The following SPOCK3 variants were observed in gnomAD, a reference collection of about 807,000 sequenced individuals.
The protein encoded by SPOCK3 is SPARC (osteonectin), cwcv and kazal like domains proteoglycan 3.
In SPOCK3, 30 loss-of-function variants were observed where a neutral mutation model predicts 56.6. The observed-to-expected ratio is 0.53, with a 90% CI of 0.40 to 0.72. The LOEUF is 0.72. Ranked by LOEUF, SPOCK3 falls within the 30% of genes least tolerant of loss-of-function variation. SPOCK3 has a pLI of 0.00. For missense variants in SPOCK3, 527 were observed against 530.0 expected, an observed-to-expected ratio of 0.99 and a Z score of 0.06; for synonymous variants, 196 against 183.3, an observed-to-expected ratio of 1.07 and a Z score of -0.56.
chr4:166,868,126 T>C (rs965290298), intron 6 of SPOCK3, among the ~76,000 whole-genome samples: 2 of 151,934 alleles, frequency 1.3e-5, no homozygotes, highest in East Asian at 3.9e-4. Context: ...CTACTCTAGT[T>C]ACACATTCTG....
chr4:166,795,942 T>G (rs1348094274), intron 6 of SPOCK3, among the ~76,000 whole-genome samples: 1 of 152,192 alleles, frequency 6.6e-6, no homozygotes, highest in Non-Finnish European at 1.5e-5. Context: ...AGATAGGGAC[T>G]CTGGGAGGTG....
chr4:166,845,027 A>G (rs1747910267), intron 6 of SPOCK3, among the ~76,000 whole-genome samples: 1 of 152,260 alleles, frequency 6.6e-6, no homozygotes, highest in African/African-American at 2.4e-5. Context: ...ATTTGTTAAT[A>G]GGTGTAACCT....
intron 10 of SPOCK3, among the ~76,000 whole-genome samples, 168 bp downstream of exon 10, chr4:166,737,299 T>C (rs1734307530): frequency 6.6e-6 from 1 of 152,140 alleles, no homozygotes; most frequent in African/African-American, 2.4e-5. Context: ...TCTATCCAAG[T>C]TTTTAACATG....
At chr4:167,054,435 T>C (rs917450681) in intron 3 of SPOCK3, among the ~76,000 whole-genome samples, 3 of 152,248 alleles carry the variant, frequency 2.0e-5, no homozygotes, top group African/African-American at 7.2e-5. Context: ...ATAGTAAATG[T>C]AGCAAACCAT....
intron 2 of SPOCK3, among the ~76,000 whole-genome samples, chr4:167,192,534 A>G (rs1732560824): frequency 6.9e-6 from 1 of 145,234 alleles, no homozygotes; most frequent in African/African-American, 2.6e-5. Flanking sequence ...GTTTCTAAAA[A>G]TTTATCTATT....
chr4:167,161,336 T>C (rs1765285480), intron 2 of SPOCK3, among the ~76,000 whole-genome samples: 2 of 152,098 alleles, frequency 1.3e-5, no homozygotes, highest in African/African-American at 2.4e-5. Flanking sequence ...AAATCCACAA[T>C]GAGATACCAT....
At chr4:166,770,537 G>A (rs4860018) in intron 7 of SPOCK3, among the ~76,000 whole-genome samples, 49,630 of 151,926 alleles carry the variant, frequency 0.33, 8,290 homozygotes, top group Admixed American at 0.41. Flanking sequence ...ATCTAAACCA[G>A]TTGTGGAGCT....
chr4:166,998,723 C>T (rs1013251308), intron 4 of SPOCK3, among the ~76,000 whole-genome samples: 4 of 152,066 alleles, frequency 2.6e-5, no homozygotes, highest in African/African-American at 9.7e-5. Context: ...TGTTAAATGT[C>T]TGCACGTGGA....
intron 2 of SPOCK3, among the ~76,000 whole-genome samples, chr4:167,153,449 T>C (rs1042313119): frequency 6.6e-6 from 1 of 152,166 alleles, no homozygotes; most frequent in Non-Finnish European, 1.5e-5. Context: ...ATGTGACTAT[T>C]TGAACCTAAA....
At chr4:166,952,817 A>G (rs1466594583) in intron 4 of SPOCK3, among the ~76,000 whole-genome samples, 5 of 152,166 alleles carry the variant, frequency 3.3e-5, no homozygotes, top group Non-Finnish European at 7.3e-5. Context: ...AAACCTGAGA[A>G]AAACAAGCAA....
intron 2 of SPOCK3, among the ~76,000 whole-genome samples, chr4:167,099,336 C>T (rs933868215): frequency 6.6e-6 from 1 of 151,330 alleles, no homozygotes; most frequent in African/African-American, 2.4e-5. Context: ...TATATAATTC[C>T]TGATTTCCTA....
chr4:166,843,469 G>T (rs1407245963), intron 6 of SPOCK3, among the ~76,000 whole-genome samples: 1 of 152,206 alleles, frequency 6.6e-6, no homozygotes, highest in East Asian at 1.9e-4. Flanking sequence ...CTAATAGTGA[G>T]TCATTTAAAA....
intron 4 of SPOCK3, among the ~76,000 whole-genome samples, chr4:166,969,023 A>T (rs955589252): frequency 2.0e-5 from 3 of 152,194 alleles, no homozygotes; most frequent in African/African-American, 7.2e-5. Context: ...TAAAGATTTA[A>T]TGACTGCCCT....
intron 2 of SPOCK3, among the ~76,000 whole-genome samples, chr4:167,104,451 A>G (rs1759921355): frequency 6.6e-6 from 1 of 152,148 alleles, no homozygotes; most frequent in Non-Finnish European, 1.5e-5. Context: ...ATACTGAACA[A>G]TGTATCAGAG....
intron 6 of SPOCK3, among the ~76,000 whole-genome samples, chr4:166,828,967 A>G (rs1299989606): frequency 6.6e-6 from 1 of 152,024 alleles, no homozygotes; most frequent in Non-Finnish European, 1.5e-5. Flanking sequence ...TTCCCTATTA[A>G]AAATAATTTT....
intron 2 of SPOCK3, among the ~76,000 whole-genome samples, chr4:167,160,828 G>A (rs181216792): frequency 6.6e-6 from 1 of 152,122 alleles, no homozygotes; most frequent in African/African-American, 2.4e-5. Context: ...GGGCAAACTG[G>A]CTAGCCATAT....
intron 3 of SPOCK3, among the ~76,000 whole-genome samples, chr4:167,046,040 T>C (rs985823511): frequency 1.3e-5 from 2 of 152,178 alleles, no homozygotes; most frequent in Non-Finnish European, 2.9e-5. Flanking sequence ...CAACTCTTTA[T>C]TTCTTTACTT....
At chr4:167,050,816 T>G (rs989509508) in intron 3 of SPOCK3, among the ~76,000 whole-genome samples, 8 of 152,178 alleles carry the variant, frequency 5.3e-5, no homozygotes, top group African/African-American at 1.7e-4. Context: ...GATTGTATGA[T>G]TCCACTTATA....
intron 6 of SPOCK3, among the ~76,000 whole-genome samples, chr4:166,878,138 G>A (rs1733287355): frequency 6.6e-6 from 1 of 152,066 alleles, no homozygotes; most frequent in Non-Finnish European, 1.5e-5. Flanking sequence ...AATTATCTGG[G>A]CGAATTGGCA....
Sources: gnomAD v4.1 joint callset for allele counts (sites outside exome capture counted in the v4.1 genomes callset) on GRCh38, gnomAD v4.1.1 for gene constraint, MANE v1.5 for transcripts, NCBI Gene and HGNC (gene_info 2026-07-23, HGNC 2026-07-21) for gene names.